Variants in SIAH1 observed in about 807,000 individuals in gnomAD.
The protein encoded by SIAH1 is E3 ubiquitin-protein ligase SIAH1.
A neutral mutation model predicts 20.0 loss-of-function variants in SIAH1; 2 were observed. The ratio of observed to expected loss-of-function variants is 0.10; its 90% CI spans 0.04 to 0.31. The LOEUF (loss-of-function observed/expected upper bound fraction) is 0.31. SIAH1 is among the 10% of genes least tolerant of loss of function. SIAH1 has a pLI of 1.00. For synonymous variants in SIAH1, 118 were observed against 125.3 expected (o/e 0.94, Z 0.39); for missense variants, 119 against 355.3 (o/e 0.33, Z 5.35).
intron 1 of SIAH1, among the ~76,000 whole-genome samples, chr16:48,384,051 T>C (rs971644845): frequency 6.6e-6 from 1 of 152,218 alleles, no homozygotes; most frequent in Non-Finnish European, 1.5e-5. Context: ...CACAGAGAAG[T>C]ATCTGCCCAA....
chr16:48,367,339 T>G (rs2151048236), intron 1 of SIAH1, among the ~76,000 whole-genome samples: 1 of 152,342 alleles, frequency 6.6e-6, no homozygotes, highest in East Asian at 1.9e-4. Context: ...TTTCACTGTT[T>G]ACCAAACTCC....
intron 1 of SIAH1, among the ~76,000 whole-genome samples, chr16:48,383,758 C>G (rs760635721): frequency 2.0e-5 from 3 of 152,168 alleles, no homozygotes; most frequent in Non-Finnish European, 4.4e-5. Context: ...TCTCCTTGTC[C>G]TTTTTAACAA....
chr16:48,375,939 C>G (rs1221640892), intron 1 of SIAH1, among the ~76,000 whole-genome samples: 1 of 152,122 alleles, frequency 6.6e-6, no homozygotes, highest in African/African-American at 2.4e-5. Flanking sequence ...TACAGGCACA[C>G]AAAGCATCAA....
At chr16:48,381,506 G>T (rs1049670151) in intron 1 of SIAH1, among the ~76,000 whole-genome samples, 7 of 152,158 alleles carry the variant, frequency 4.6e-5, no homozygotes, top group Non-Finnish European at 7.3e-5. Flanking sequence ...AGCCAACCAA[G>T]ACATCCTTCA....
chr16:48,376,698 T>C lies in SIAH1; in HGVS notation c.-3+8506A>G, dbSNP rs758812945. Among the ~76,000 whole-genome samples the C allele has an allele frequency of 3.9e-5, 6 of 152,262 alleles. No homozygotes were observed. The South Asian group carries it at 1.0e-3, about 26-fold the overall frequency. ...TTTTAAAAGTTAACAAAATTTATGA[T>C]AGCCCCCCTCCCCTCACAAACTCAA... On this transcript the variant is annotated intron_variant, in intron 1 of 1. Coordinates refer to ENST00000394725, the MANE Select transcript of SIAH1 (RefSeq NM_003031.4).
At chr16:48,378,557 G>C (rs1961172999) in intron 1 of SIAH1, among the ~76,000 whole-genome samples, 1 of 151,900 alleles carries the variant, frequency 6.6e-6, no homozygotes, top group Non-Finnish European at 1.5e-5. Flanking sequence ...CTGTACACAT[G>C]ATTTGAGCAC....
intron 1 of SIAH1, among the ~76,000 whole-genome samples, chr16:48,382,934 G>C (rs1961336490): frequency 6.6e-6 from 1 of 152,114 alleles, no homozygotes; most frequent in African/African-American, 2.4e-5. Flanking sequence ...GTTATTTTAT[G>C]TCATTACTGA....
chr16:48,380,697 G>A (rs1052508478), intron 1 of SIAH1, among the ~76,000 whole-genome samples: 5 of 151,896 alleles, frequency 3.3e-5, no homozygotes, highest in African/African-American at 1.2e-4. Flanking sequence ...GCCGAGGTGG[G>A]CGAATCACTT....
intron 1 of SIAH1, among the ~76,000 whole-genome samples, chr16:48,364,647 G>A (rs1417490177): frequency 6.6e-6 from 1 of 152,154 alleles, no homozygotes; most frequent in Non-Finnish European, 1.5e-5. Context: ...TTGTACATAT[G>A]ACATCCATTT....
intron 1 of SIAH1, among the ~76,000 whole-genome samples, chr16:48,371,653 T>A (rs1960989172): frequency 6.6e-6 from 1 of 152,224 alleles, no homozygotes; most frequent in African/African-American, 2.4e-5. Flanking sequence ...CTAAAATTTT[T>A]AAATAACCTT....
intron 1 of SIAH1, among the ~76,000 whole-genome samples, chr16:48,372,718 C>T (rs1375385841): frequency 1.3e-5 from 2 of 152,112 alleles, no homozygotes; most frequent in Non-Finnish European, 2.9e-5. Flanking sequence ...TTCATACGAC[C>T]ACATGATACA....
At chr16:48,370,818 A>C (rs939218941) in intron 1 of SIAH1, among the ~76,000 whole-genome samples, 1 of 151,430 alleles carries the variant, frequency 6.6e-6, no homozygotes, top group Non-Finnish European at 1.5e-5. Context: ...AAAAAAAAAA[A>C]ACAAATTTCA....
At chr16:48,365,584 C>T in intron 1 of SIAH1, 2 of 1,495,362 alleles carry the variant, frequency 1.3e-6, no homozygotes, top group Non-Finnish European at 1.8e-6. Flanking sequence ...CGTCTGAGGT[C>T]AGGATCCAAA....
At chr16:48,369,977 A>T (rs1424804102) in intron 1 of SIAH1, among the ~76,000 whole-genome samples, 1 of 152,262 alleles carries the variant, frequency 6.6e-6, no homozygotes, top group African/African-American at 2.4e-5. Flanking sequence ...AAGCTCTTGC[A>T]TAAATTCCAC....
intron 1 of SIAH1, chr16:48,365,334 TAATAGCGTTC>T (rs959649036): frequency 6.2e-7 from 1 of 1,603,270 alleles, no homozygotes; most frequent in African/African-American, 1.3e-5. Context: ...TTCCACTGAC[TAATAGCGTTC>T]AAGTTTCACA....
At position 48,360,958 on chromosome 16, in the gene SIAH1, A is replaced by C. The variant is rs1960559797; in HGVS notation, c.*622T>G. On this transcript the variant is annotated 3_prime_UTR_variant, in exon 2 of 2. Coordinates refer to ENST00000394725, the MANE Select transcript of SIAH1 (RefSeq NM_003031.4). Reference sequence around the variant, plus strand: ...TGAACTGATTAATGGGGGAAAAGAAAATATTGAACACGTTATAAATTTTTT... The same window carrying C: ...TGAACTGATTAATGGGGGAAAAGAACATATTGAACACGTTATAAATTTTTT... The C allele has an allele frequency of 1.3e-5, 2 of 152,242 alleles. No homozygotes were observed. Among genetic ancestry groups the C allele is most frequent in the Non-Finnish European group, 2.9e-5 (2 of 68,060 alleles). The allele number at this position is 152,242 out of a possible 1,614,324, so 9.4% of individuals were successfully genotyped here. A position where few individuals can be genotyped will look rare whatever the true frequency, so the allele number is the denominator to read the frequency against.
At chr16:48,375,988 C>A (rs771957467) in intron 1 of SIAH1, among the ~76,000 whole-genome samples, 3 of 152,106 alleles carry the variant, frequency 2.0e-5, no homozygotes, top group Non-Finnish European at 2.9e-5. Flanking sequence ...CAAATTCCAT[C>A]GTTTGAAATT....
At chr16:48,369,363 G>C (rs976620788) in intron 1 of SIAH1, among the ~76,000 whole-genome samples, 1 of 152,162 alleles carries the variant, frequency 6.6e-6, no homozygotes, top group Non-Finnish European at 1.5e-5. Flanking sequence ...AAAGAGGAAA[G>C]GCAAATCCCG....
chr16:48,369,525 G>C (rs1216158774), intron 1 of SIAH1, among the ~76,000 whole-genome samples: 1 of 152,106 alleles, frequency 6.6e-6, no homozygotes, highest in Non-Finnish European at 1.5e-5. Context: ...GATCACTTGA[G>C]CCCAAGAGTT....
Sources: gnomAD v4.1 joint callset for allele counts (sites outside exome capture counted in the v4.1 genomes callset) on GRCh38, gnomAD v4.1.1 for gene constraint, MANE v1.5 for transcripts, NCBI Gene and HGNC (gene_info 2026-07-23, HGNC 2026-07-21) for gene names.